CHD9NB: variants seen among roughly 807,000 people sequenced by gnomAD.
The protein encoded by CHD9NB is CHD9 neighbor protein.
At chr16:53,039,648 G>A in the CHD9NB span, among the ~76,000 whole-genome samples, 1 of 152,112 alleles carries the variant, frequency 6.6e-6, no homozygotes, top group African/African-American at 2.4e-5. Flanking sequence ...GGGAGGCTGA[G>A]GCAGAAGAAT....
chr16:53,040,783 A>C, the CHD9NB span, among the ~76,000 whole-genome samples: 5 of 152,230 alleles, frequency 3.3e-5, no homozygotes, highest in Non-Finnish European at 1.5e-5. Flanking sequence ...AAAGCAAAAA[A>C]TGTATTGCCT....
the CHD9NB span, among the ~76,000 whole-genome samples, chr16:53,049,154 C>G: frequency 6.6e-6 from 1 of 151,566 alleles, no homozygotes; most frequent in Non-Finnish European, 1.5e-5. Flanking sequence ...CCACTGGGCC[C>G]GGCCAGTTTG....
At chr16:53,049,352 G>A in the CHD9NB span, among the ~76,000 whole-genome samples, 28 of 151,314 alleles carry the variant, frequency 1.9e-4, 1 homozygote, top group African/African-American at 5.3e-4. Context: ...GTGTGTGTGT[G>A]TGTGTGTAAA....
the CHD9NB span, among the ~76,000 whole-genome samples, chr16:53,049,448 T>A: frequency 6.6e-6 from 1 of 151,990 alleles, no homozygotes. Context: ...AGTGTTGGGA[T>A]TACAGACATG....
chr16:53,052,074 C>T, the CHD9NB span, among the ~76,000 whole-genome samples: 18 of 151,216 alleles, frequency 1.2e-4, no homozygotes, highest in Non-Finnish European at 2.2e-4. Flanking sequence ...ACTAAATTGT[C>T]AATCTAAAAT....
the CHD9NB span, among the ~76,000 whole-genome samples, chr16:53,040,985 GTGGATGGA>G: frequency 1.3e-5 from 2 of 152,280 alleles, no homozygotes; most frequent in Non-Finnish European, 2.9e-5. Context: ...GAACAGATGG[GTGGATGGA>G]TGGATGGATA....
the CHD9NB span, among the ~76,000 whole-genome samples, chr16:53,051,768 A>T: frequency 9.0e-3 from 938 of 104,436 alleles, 42 homozygotes; most frequent in African/African-American, 0.045. Context: ...TAAAAGTATA[A>T]ATATATATAT....
chr16:53,046,924 C>T, the CHD9NB span, among the ~76,000 whole-genome samples: 1 of 152,126 alleles, frequency 6.6e-6, no homozygotes, highest in Non-Finnish European at 1.5e-5. Context: ...ATGGATTCAC[C>T]TCGGATGAGG....
At chr16:53,039,777 A>G in the CHD9NB span, among the ~76,000 whole-genome samples, 1 of 151,652 alleles carries the variant, frequency 6.6e-6, no homozygotes, top group Admixed American at 6.6e-5. Context: ...CTCTCAGTGG[A>G]CTAGTTTGGG....
At chr16:53,049,788 T>C in the CHD9NB span, among the ~76,000 whole-genome samples, 3 of 152,188 alleles carry the variant, frequency 2.0e-5, no homozygotes, top group Non-Finnish European at 4.4e-5. Flanking sequence ...TAAAAGCAGT[T>C]TCAGCATGAG....
At chr16:53,050,196 C>T in the CHD9NB span, among the ~76,000 whole-genome samples, 1 of 151,786 alleles carries the variant, frequency 6.6e-6, no homozygotes, top group East Asian at 1.9e-4. Flanking sequence ...GTAGTATTAT[C>T]TCAAAATAAT....
At chr16:53,048,415 A>C in the CHD9NB span, among the ~76,000 whole-genome samples, 1 of 152,246 alleles carries the variant, frequency 6.6e-6, no homozygotes, top group African/African-American at 2.4e-5. Context: ...CCCTGTCTCC[A>C]AAACAAAAAA....
At chr16:53,044,213 C>A in the CHD9NB span, 1 of 398,536 alleles carries the variant, frequency 2.5e-6, no homozygotes, top group East Asian at 3.6e-5. Context: ...GGAGGAAGGT[C>A]TGTGCCTTCC....
the CHD9NB span, chr16:53,043,387 A>C: frequency 5.3e-5 from 8 of 152,158 alleles, no homozygotes; most frequent in African/African-American, 1.9e-4. Flanking sequence ...CCCTTACTGG[A>C]GGACCAAGAC....
the CHD9NB span, among the ~76,000 whole-genome samples, chr16:53,048,225 G>A: frequency 1.3e-5 from 2 of 152,110 alleles, no homozygotes; most frequent in South Asian, 4.1e-4. Flanking sequence ...TCAAAATGGT[G>A]AAACCCCATC....
the CHD9NB span, among the ~76,000 whole-genome samples, chr16:53,051,768 AATATATATATAT>A: frequency 7.0e-3 from 730 of 104,580 alleles, 14 homozygotes; most frequent in Middle Eastern, 0.035. Context: ...TAAAAGTATA[AATATATATATAT>A]ATATATATAT....
At chr16:53,040,828 G>A in the CHD9NB span, among the ~76,000 whole-genome samples, 1 of 152,248 alleles carries the variant, frequency 6.6e-6, no homozygotes, top group Non-Finnish European at 1.5e-5. Context: ...AGAGCTGAAT[G>A]TATGAATAAA....
chr16:53,042,913 A>G, the CHD9NB span: 3 of 152,172 alleles, frequency 2.0e-5, no homozygotes, highest in Non-Finnish European at 4.4e-5. Context: ...CATCTATAAA[A>G]TGGGAGTAGT....
the CHD9NB span, chr16:53,036,079 A>G: frequency 3.2e-4 from 49 of 152,150 alleles, no homozygotes; most frequent in Non-Finnish European, 2.9e-4. Context: ...GTCACATTCA[A>G]AGGTCCCAGG....
Sources: allele counts gnomAD v4.1 joint callset (sites outside exome capture counted in the v4.1 genomes callset), GRCh38; gene constraint gnomAD v4.1.1; transcripts MANE v1.5; gene names NCBI Gene and HGNC (gene_info 2026-07-23, HGNC 2026-07-21).